Variants in ACAA1 observed in about 807,000 individuals in gnomAD.
ACAA1 encodes 3-ketoacyl-CoA thiolase, peroxisomal.
Under a neutral mutation model 48.8 loss-of-function variants are expected in ACAA1, and 44 were observed. The observed-to-expected ratio is 0.90, with a 90% confidence interval of 0.71 to 1.16. ACAA1 has a LOEUF of 1.16. ACAA1 is among the 50% of genes most tolerant of loss of function. The probability of loss-of-function intolerance (pLI) is 0.00; values close to 1 mark genes in which losing one functional copy is unlikely to be tolerated. For synonymous variants in ACAA1, 233 were observed against 226.5 expected (o/e 1.03, Z -0.26); for missense variants, 512 against 562.3 (o/e 0.91, Z 0.90).
chr3:38,130,081 A>G (rs1236478990), intron 5 of ACAA1, among the ~76,000 whole-genome samples: 2 of 152,212 alleles, frequency 1.3e-5, no homozygotes, highest in African/African-American at 4.8e-5. Flanking sequence ...GTAACCACAA[A>G]GCTGAGCTCA....
chr3:38,133,744 C>T (rs1700833223), intron 3 of ACAA1: 4 of 590,382 alleles, frequency 6.8e-6, no homozygotes, highest in Non-Finnish European at 1.2e-5. Context: ...AGAACTTCTG[C>T]TCCAGTCCCA....
Position 38,132,017 on chromosome 3 carries a change from G to A in ACAA1, c.324-12C>T. ...TCTCCGGGATGTCACTGAAACAGAA[G>A]GTGAGAAAGTAGAATCAGCCCCCAA... On this transcript the variant is annotated splice_polypyrimidine_tract_variant and intron_variant, in intron 3 of 11. Coordinates refer to ENST00000333167, the MANE Select transcript of ACAA1 (RefSeq NM_001607.4). 1 of 1,610,162 alleles carries A rather than the reference G, an allele frequency of 6.2e-7. No homozygotes were observed. Among genetic ancestry groups the A allele is most frequent in the Admixed American group, 1.7e-5 (1 of 59,950 alleles).
Position 38,125,615 on chromosome 3 carries a change from CCCAGTGCAGCCCAGTGGGTGCCCTAAGG to C in ACAA1, c.1121_1148del (p.Ala374GlyfsTer12). The C allele has an allele frequency of 6.3e-7, 1 of 1,596,342 alleles. No homozygotes were observed. The highest frequency in any genetic ancestry group is 8.5e-7 in the Non-Finnish European group (1 of 1,170,514). On this transcript the variant is annotated frameshift_variant, in exon 11 of 12. Coordinates refer to ENST00000333167, the MANE Select transcript of ACAA1 (RefSeq NM_001607.4). LOFTEE classifies it high-confidence loss of function. Reference sequence around the variant, plus strand: ...TGAGCAGCGTGATGACCTGTCGTGCCCCAGTGCAGCCCAGTGGGTGCCCTAAGGCCACTGCACCCCCCAGGGGGTTCAC... The same window carrying C: ...TGAGCAGCGTGATGACCTGTCGTGCCCCACTGCACCCCCCAGGGGGTTCAC...
At chr3:38,131,175 G>C (rs1200248833) in intron 5 of ACAA1, among the ~76,000 whole-genome samples, 1 of 152,202 alleles carries the variant, frequency 6.6e-6, no homozygotes, top group Admixed American at 6.5e-5. Flanking sequence ...GAGACAAAGG[G>C]ACAGACAGCC....
intron 3 of ACAA1, chr3:38,132,634 C>A (rs904167965): frequency 1.3e-5 from 2 of 152,248 alleles, no homozygotes; most frequent in African/African-American, 4.8e-5. Context: ...GCTTCCCCTC[C>A]TGATGTAACC....
At chr3:38,124,982 C>T (rs1485770598) in intron 11 of ACAA1, 1 of 152,232 alleles carries the variant, frequency 6.6e-6, no homozygotes, top group Non-Finnish European at 1.5e-5. Flanking sequence ...CCGTCACAGA[C>T]ACACCCAAAG....
In ACAA1 at chr3:38,126,046, G is replaced by A. The variant is rs549549472; in HGVS notation, c.997+116C>T. 349 of 1,446,610 alleles carry A rather than the reference G, an allele frequency of 2.4e-4. 4 individuals are homozygous for A. In the South Asian group the frequency reaches 4.0e-3, roughly 17 times the overall value. 89.6% of individuals were successfully genotyped at this position (1,446,610 alleles called of 1,614,324 possible). A position where few individuals can be genotyped will look rare whatever the true frequency, so the allele number is the denominator to read the frequency against. Reference sequence around the variant, plus strand: ...GGCTTGAAGTATGGGACACTAGCCTGCCCCACCTCCACTCTGCAGCACCCA... The same window carrying A: ...GGCTTGAAGTATGGGACACTAGCCTACCCCACCTCCACTCTGCAGCACCCA... On this transcript the variant is annotated intron_variant, in intron 9 of 11. Coordinates refer to ENST00000333167, the MANE Select transcript of ACAA1 (RefSeq NM_001607.4). The surrounding 1 kb of genome is among the most constrained non-coding windows in gnomAD (Gnocchi z 4.7).
intron 5 of ACAA1, among the ~76,000 whole-genome samples, chr3:38,130,884 C>T (rs991047231): frequency 1.5e-4 from 23 of 152,326 alleles, no homozygotes; most frequent in African/African-American, 4.6e-4. Context: ...TGAAAGGCAG[C>T]GGAGGCATGT....
At position 38,136,871 on chromosome 3, in the gene ACAA1, GCCGCCGCGGCCCGCCCGGCA is replaced by G; in HGVS notation, c.145_164del (p.Cys49LeufsTer54). The G allele has an allele frequency of 6.6e-7, 1 of 1,524,636 alleles. No homozygotes were observed. Among genetic ancestry groups the G allele is most frequent in the Non-Finnish European group, 8.8e-7 (1 of 1,141,362 alleles). The allele number at this position is 1,524,636 out of a possible 1,614,324, so 94.4% of individuals were successfully genotyped here. Reference sequence around the variant, plus strand: ...CCAGACCCTCGGGCCTCACCTTGAAGCCGCCGCGGCCCGCCCGGCAGATGGCCGTGCGCCGCCCGTGCACC... The same window carrying G: ...CCAGACCCTCGGGCCTCACCTTGAAGGATGGCCGTGCGCCGCCCGTGCACC... On this transcript the variant is annotated frameshift_variant, in exon 1 of 12. Transcript: ENST00000333167. LOFTEE classifies it high-confidence loss of function.
intron 2 of ACAA1, chr3:38,135,151 G>C (rs946170068): frequency 6.6e-6 from 1 of 152,174 alleles, no homozygotes. Flanking sequence ...ACCTTCCCTT[G>C]AACTTATTTA....
intron 2 of ACAA1, among the ~76,000 whole-genome samples, chr3:38,136,167 G>C (rs975493864): frequency 1.3e-5 from 2 of 152,152 alleles, no homozygotes; most frequent in African/African-American, 4.8e-5. Context: ...TTGGGGCTAA[G>C]GCTACAGATT....
At chr3:38,124,709 C>T (rs372870638) in intron 11 of ACAA1, 1 of 152,214 alleles carries the variant, frequency 6.6e-6, no homozygotes, top group Admixed American at 6.5e-5. Flanking sequence ...ACAAATAGCA[C>T]ACCTCTTTTA....
chr3:38,134,555 G>A (rs1223595917), intron 2 of ACAA1: 1 of 454,812 alleles, frequency 2.2e-6, no homozygotes, highest in Admixed American at 2.4e-5. Flanking sequence ...ATGTTGATCT[G>A]TACAAAGAAA....
At chr3:38,134,257 T>C (rs2125770868) in intron 2 of ACAA1, 1 of 564,906 alleles carries the variant, frequency 1.8e-6, no homozygotes, top group South Asian at 2.2e-5. Flanking sequence ...ACCCAGCTTT[T>C]CCAAATCAGC....
chr3:38,137,090 A>G lies in ACAA1; in HGVS notation c.-55T>C. ...CAGTCCGGGAACTGACCGCGGAGTT[A>G]ACAGACAGCCGTCCGCACACGCGCA... On this transcript the variant is annotated 5_prime_UTR_variant, in exon 1 of 12. Coordinates refer to ENST00000333167, the MANE Select transcript of ACAA1 (RefSeq NM_001607.4). The G allele has an allele frequency of 7.1e-7, 1 of 1,406,712 alleles. No homozygotes were observed. Among genetic ancestry groups the G allele is most frequent in the South Asian group, 1.3e-5 (1 of 75,750 alleles). The allele number at this position is 1,406,712 out of a possible 1,614,324, so 87.1% of individuals were successfully genotyped here. A position where few individuals can be genotyped will look rare whatever the true frequency, so the allele number is the denominator to read the frequency against.
chr3:38,127,863 T>G lies in ACAA1; in HGVS notation c.549A>C (p.Ile183=). ...KARDCLIPMG[I]TSENVAERFG... is the part of the protein sequence containing the mutation. Reference sequence around the variant, plus strand: ...ACCGCTCAGCCACATTCTCAGAGGTTATCCTAGAACACAAACAGCAGATAG... The same window carrying G: ...ACCGCTCAGCCACATTCTCAGAGGTGATCCTAGAACACAAACAGCAGATAG... Residue 183 remains isoleucine (I), a synonymous_variant, in exon 7 of 12, where the codon ATA becomes ATC. Transcript: ENST00000333167. 1.2e-6 allele frequency: 2 copies of G among 1,614,110 alleles called. No homozygotes were observed. Among genetic ancestry groups the G allele is most frequent in the Middle Eastern group, 1.6e-4 (1 of 6,062 alleles).
intron 3 of ACAA1, 77 bp from the exon 4 acceptor site, chr3:38,132,082 T>C: frequency 1.5e-6 from 2 of 1,325,544 alleles, no homozygotes; most frequent in South Asian, 1.2e-5. Flanking sequence ...CCTATGCTTC[T>C]AACTGCCCCC....
In ACAA1 at chr3:38,122,943, C is replaced by G. The variant is rs776704684; in HGVS notation, c.*104G>C. ...GCCTTGATCTGTCCACTGCCACCACCACCAGTGCTGAGTTTTCCCATGTGG... is the reference window on the plus strand; with the variant it reads ...GCCTTGATCTGTCCACTGCCACCACGACCAGTGCTGAGTTTTCCCATGTGG... On this transcript the variant is annotated 3_prime_UTR_variant, in exon 12 of 12. Transcript: ENST00000333167. 3.1e-5 allele frequency: 37 copies of G among 1,179,692 alleles called. No individual in the cohort carries two copies. Among genetic ancestry groups the G allele is most frequent in the Non-Finnish European group, 4.1e-5 (33 of 801,690 alleles). 73.1% of individuals were successfully genotyped at this position (1,179,692 alleles called of 1,614,324 possible).
In ACAA1 at chr3:38,125,610, C is replaced by T. The variant is rs749249005; in HGVS notation, c.1154G>A (p.Arg385Gln). ...CTCATTGAGCAGCGTGATGACCTGT[C>T]GTGCCCCAGTGCAGCCCAGTGGGTG... ...LGHPLGCTGA[R>Q]QVITLLNELK... The change falls in exon 11 of 12, where the codon CGA becomes CAA. Residue 385 changes from arginine (R) to glutamine (Q), a missense_variant. Coordinates refer to ENST00000333167, the MANE Select transcript of ACAA1 (RefSeq NM_001607.4). 3.6e-5 allele frequency: 58 copies of T among 1,594,990 alleles called. No individual in the cohort carries two copies. Among genetic ancestry groups the T allele is most frequent in the Admixed American group, 7.0e-5 (4 of 57,316 alleles).
Sources: allele counts gnomAD v4.1 joint callset (sites outside exome capture counted in the v4.1 genomes callset), GRCh38; gene constraint gnomAD v4.1.1; non-coding constraint Gnocchi (gnomAD v3.1); transcripts MANE v1.5; gene names NCBI Gene and HGNC (gene_info 2026-07-23, HGNC 2026-07-21).